Variants in MAN1C1 observed in about 807,000 individuals in gnomAD.
The protein encoded by MAN1C1 is mannosidase alpha class 1C member 1.
In MAN1C1, 49 loss-of-function variants were observed where a neutral mutation model predicts 71.5. The observed-to-expected ratio is 0.69, with a 90% CI of 0.54 to 0.87. The LOEUF (loss-of-function observed/expected upper bound fraction) is 0.87. Among genes scored for constraint, MAN1C1 ranks in the 40% least tolerant of loss-of-function variants. The pLI, the probability that MAN1C1 is intolerant of heterozygous loss-of-function variation, is 0.00. For synonymous variants in MAN1C1, 352 were observed against 343.7 expected (o/e 1.02, Z -0.27); for missense variants, 743 against 835.0 (o/e 0.89, Z 1.36).
intron 2 of MAN1C1, among the ~76,000 whole-genome samples, chr1:25,702,102 T>C (rs550456757): frequency 2.8e-4 from 42 of 152,226 alleles, no homozygotes; most frequent in African/African-American, 8.9e-4. Context: ...AATTAGTTAG[T>C]TACATCCCCC....
chr1:25,672,669 G>A (rs1221436163), intron 1 of MAN1C1, among the ~76,000 whole-genome samples: 2 of 152,194 alleles, frequency 1.3e-5, no homozygotes, highest in Admixed American at 6.5e-5. Flanking sequence ...CAAGTCAGCT[G>A]ATTAGCAACT....
At chr1:25,712,156 T>TTA (rs1376245433) in intron 2 of MAN1C1, among the ~76,000 whole-genome samples, 35 of 152,318 alleles carry the variant, frequency 2.3e-4, no homozygotes, top group African/African-American at 7.7e-4. Context: ...AATGAATGAA[T>TTA]CTTGTGGAAA....
At position 25,617,709 on chromosome 1, in the gene MAN1C1, G is replaced by T; in HGVS notation, c.-89G>T. The T allele has an allele frequency of 7.6e-7, 1 of 1,319,416 alleles. No individual in the cohort carries two copies. The highest frequency in any genetic ancestry group is 1.0e-6 in the Non-Finnish European group (1 of 987,704). 81.7% of individuals were successfully genotyped at this position (1,319,416 alleles called of 1,614,324 possible). On this transcript the variant is annotated 5_prime_UTR_variant, in exon 1 of 12. Transcript: ENST00000374332. This position sits in a 1 kb window ranked among gnomAD's most constrained non-coding sequence, Gnocchi z 5.1. ...ACCCTGCCCAGGGACCCCCATCCCG[G>T]GCGGCGCTCCGGACGCCCTCCCCTC...
At chr1:25,726,691 C>T (rs138080449) in intron 2 of MAN1C1, among the ~76,000 whole-genome samples, 2 of 151,970 alleles carry the variant, frequency 1.3e-5, no homozygotes, top group Non-Finnish European at 2.9e-5. Flanking sequence ...CTTTCTGAGC[C>T]TCAGTTTTGT....
At chr1:25,712,654 C>CGTCT (rs1327148394) in intron 2 of MAN1C1, among the ~76,000 whole-genome samples, 1 of 152,184 alleles carries the variant, frequency 6.6e-6, no homozygotes, top group African/African-American at 2.4e-5. Flanking sequence ...GGAGGACAGC[C>CGTCT]ATTCAAACCG....
chr1:25,742,206 G>T (rs984295457), intron 2 of MAN1C1, among the ~76,000 whole-genome samples: 1 of 152,204 alleles, frequency 6.6e-6, no homozygotes, highest in African/African-American at 2.4e-5. Flanking sequence ...ACTTGCCAAG[G>T]TATGGAAGCA....
intron 1 of MAN1C1, among the ~76,000 whole-genome samples, chr1:25,639,498 T>C (rs993149439): frequency 1.3e-5 from 2 of 152,220 alleles, no homozygotes; most frequent in African/African-American, 4.8e-5. Context: ...CCTCTTTTTG[T>C]TGGGCTGTCA....
Position 25,684,851 on chromosome 1 carries a change from A to G in MAN1C1, c.541-1589A>G, listed in dbSNP as rs149557558. ...GCGTGAGGTGAGTGATACAAACAATATAACAGATTGGTGCTTCTCACATGT... is the reference window on the plus strand; with the variant it reads ...GCGTGAGGTGAGTGATACAAACAATGTAACAGATTGGTGCTTCTCACATGT... On this transcript the variant is annotated intron_variant, in intron 1 of 11. Coordinates refer to ENST00000374332, the MANE Select transcript of MAN1C1 (RefSeq NM_020379.4). Among the ~76,000 whole-genome samples, 6 of 152,336 alleles carry G rather than the reference A, an allele frequency of 3.9e-5. No individual in the cohort carries two copies. The East Asian group carries it at 1.2e-3, about 29-fold the overall frequency.
chr1:25,632,054 A>C (rs2045389277), intron 1 of MAN1C1, among the ~76,000 whole-genome samples: 1 of 152,250 alleles, frequency 6.6e-6, no homozygotes, highest in Non-Finnish European at 1.5e-5. Flanking sequence ...TTGGGATTAC[A>C]GATGCGGGCT....
chr1:25,722,286 A>G (rs543110932), intron 2 of MAN1C1, among the ~76,000 whole-genome samples: 1 of 152,164 alleles, frequency 6.6e-6, no homozygotes, highest in East Asian at 1.9e-4. Context: ...TGTGCTGGGA[A>G]ATTAATGGAC....
rs185347174 is a variant in MAN1C1, at chr1:25,662,317, A to G, written c.541-24123A>G. Among the ~76,000 whole-genome samples the G allele has an allele frequency of 1.3e-4, 20 of 152,276 alleles. 1 individual carries two copies. The highest frequency in any genetic ancestry group is 7.8e-4 in the Admixed American group (12 of 15,290). ...GTGAGAAGCCTCAGGGGTGTTCTGGAGAACGAGCCTTCATTCTTTGACATC... is the reference window on the plus strand; with the variant it reads ...GTGAGAAGCCTCAGGGGTGTTCTGGGGAACGAGCCTTCATTCTTTGACATC... On this transcript the variant is annotated intron_variant, in intron 1 of 11. Coordinates refer to ENST00000374332, the MANE Select transcript of MAN1C1 (RefSeq NM_020379.4).
At chr1:25,651,392 G>A (rs544797396) in intron 1 of MAN1C1, among the ~76,000 whole-genome samples, 5 of 152,284 alleles carry the variant, frequency 3.3e-5, no homozygotes, top group East Asian at 1.9e-4. Context: ...TCACTGCCTT[G>A]TTGCTGGCGC....
intron 2 of MAN1C1, among the ~76,000 whole-genome samples, chr1:25,713,047 C>T (rs2046634801): frequency 6.6e-6 from 1 of 152,244 alleles, no homozygotes; most frequent in Non-Finnish European, 1.5e-5. Flanking sequence ...AATCTTCTTG[C>T]ATAATCCTTC....
chr1:25,750,996 G>A (rs1015760316), intron 4 of MAN1C1, among the ~76,000 whole-genome samples: 5 of 151,214 alleles, frequency 3.3e-5, no homozygotes, highest in African/African-American at 7.3e-5. Context: ...CCTCCCTTCC[G>A]TCCATCTTTC....
At chr1:25,752,120 C>G (rs1044868206) in intron 4 of MAN1C1, among the ~76,000 whole-genome samples, 2 of 152,148 alleles carry the variant, frequency 1.3e-5, no homozygotes, top group African/African-American at 2.4e-5. Flanking sequence ...AGCCAGTGCC[C>G]ATGGGAGTAA....
At chr1:25,748,277 C>T (rs968515773) in intron 3 of MAN1C1, among the ~76,000 whole-genome samples, 2 of 152,208 alleles carry the variant, frequency 1.3e-5, no homozygotes, top group Non-Finnish European at 2.9e-5. Flanking sequence ...ACCCTCGCCA[C>T]ACTGACCTCA....
At chr1:25,659,884 TTATC>T (rs544000374) in intron 1 of MAN1C1, among the ~76,000 whole-genome samples, 3 of 152,200 alleles carry the variant, frequency 2.0e-5, no homozygotes, top group Non-Finnish European at 4.4e-5. Flanking sequence ...ACTGTATTAT[TTATC>T]TATTTCACCT....
In MAN1C1 at chr1:25,665,447, A is replaced by C. The variant is rs1244411432; in HGVS notation, c.541-20993A>C. On this transcript the variant is annotated intron_variant, in intron 1 of 11. Transcript: ENST00000374332. ...CTTAATTTTAACCAGAATAGTTCTT[A>C]CACGATGCAATATTCCCCAGTAGCA... 2.6e-5 allele frequency among the ~76,000 whole-genome samples: 4 copies of C among 152,352 alleles called. No homozygotes were observed. In the East Asian group the frequency reaches 7.7e-4, roughly 29 times the overall value.
At chr1:25,709,039 C>T (rs1427024014) in intron 2 of MAN1C1, among the ~76,000 whole-genome samples, 1 of 152,170 alleles carries the variant, frequency 6.6e-6, no homozygotes, top group Non-Finnish European at 1.5e-5. Flanking sequence ...GAGACACAGC[C>T]GATGCCCACC....
Sources: gnomAD v4.1 joint callset for allele counts (sites outside exome capture counted in the v4.1 genomes callset) on GRCh38, gnomAD v4.1.1 for gene constraint, Gnocchi (gnomAD v3.1) non-coding constraint, MANE v1.5 for transcripts, NCBI Gene and HGNC (gene_info 2026-07-23, HGNC 2026-07-21) for gene names.